Variants in GARNL3 observed in about 807,000 individuals in gnomAD.
GARNL3 encodes the protein GTPase-activating Rap/Ran-GAP domain-like protein 3.
Under a neutral mutation model 125.0 loss-of-function variants are expected in GARNL3, and 63 were observed. The ratio of observed to expected loss-of-function variants is 0.50; its 90% CI spans 0.41 to 0.62. The LOEUF (loss-of-function observed/expected upper bound fraction) is 0.62, where lower values mean the gene tolerates loss of function less well. GARNL3 is among the 20% of genes least tolerant of loss of function. The probability of loss-of-function intolerance (pLI) is 0.00; values close to 1 mark genes in which losing one functional copy is unlikely to be tolerated. For synonymous variants in GARNL3, 439 were observed against 457.5 expected (o/e 0.96, Z 0.52); for missense variants, 994 against 1,244.0 (o/e 0.80, Z 3.02).
At chr9:127,337,787 C>T (rs1454942994) in intron 11 of GARNL3, among the ~76,000 whole-genome samples, 1 of 152,196 alleles carries the variant, frequency 6.6e-6, no homozygotes, top group Non-Finnish European at 1.5e-5. Context: ...GTTTGTACTT[C>T]CAGGCAAGGG....
Position 127,355,346 on chromosome 9 carries a change from T to C in GARNL3, c.1809T>C (p.Ile603=). ...CTCACCACAGCAGAGAGCTGAGGATTGTGGTTGCAATTCGGAATAAACTGC... is the reference window on the plus strand; with the variant it reads ...CTCACCACAGCAGAGAGCTGAGGATCGTGGTTGCAATTCGGAATAAACTGC... ...INTHHSRELR[I]VVAIRNKLLL... The change falls in exon 20 of 28, where the codon ATT becomes ATC. Residue 603 remains isoleucine, a synonymous_variant. Coordinates refer to ENST00000373387, the MANE Select transcript of GARNL3 (RefSeq NM_032293.5). The C allele has an allele frequency of 6.2e-7, 1 of 1,614,228 alleles. No individual in the cohort carries two copies. Among genetic ancestry groups the C allele is most frequent in the Non-Finnish European group, 8.5e-7 (1 of 1,180,028 alleles).
At chr9:127,350,002 G>A (rs1830342126) in intron 17 of GARNL3, among the ~76,000 whole-genome samples, 1 of 152,182 alleles carries the variant, frequency 6.6e-6, no homozygotes, top group African/African-American at 2.4e-5. Flanking sequence ...CACCTGCTGT[G>A]TGCCGGGGCC....
intron 14 of GARNL3, among the ~76,000 whole-genome samples, chr9:127,343,031 G>A (rs1280898132): frequency 6.6e-6 from 1 of 151,522 alleles, no homozygotes; most frequent in Non-Finnish European, 1.5e-5. Flanking sequence ...CCAAGTAGCT[G>A]GGGTTATAGG....
intron 1 of GARNL3, among the ~76,000 whole-genome samples, chr9:127,284,972 A>AG (rs2131346726): frequency 6.6e-6 from 1 of 152,214 alleles, no homozygotes; most frequent in South Asian, 2.1e-4. Context: ...CAGCCTCCCA[A>AG]GTAGCTGGGA....
At chr9:127,225,795 T>TCCGCGGCTCGGCTCGCCCTGGCGC (rs1554886440) in intron 1 of GARNL3, among the ~76,000 whole-genome samples, 2 of 149,372 alleles carry the variant, frequency 1.3e-5, no homozygotes, top group Admixed American at 1.3e-4. Context: ...ACCTGCTGCC[T>TCCGCGGCTCGGCTCGCCCTGGCGC]CCGCGGCCCC....
intron 16 of GARNL3, among the ~76,000 whole-genome samples, chr9:127,346,431 C>T (rs573639505): frequency 1.5e-4 from 23 of 152,304 alleles, no homozygotes; most frequent in African/African-American, 5.1e-4. Context: ...CTAAAAACCA[C>T]AACCAACTTC....
intron 1 of GARNL3, among the ~76,000 whole-genome samples, chr9:127,230,638 AG>A (rs1341690424): frequency 6.7e-6 from 1 of 149,908 alleles, no homozygotes. Context: ...GGGCAACAAG[AG>A]TGAAACTCCA....
intron 7 of GARNL3, among the ~76,000 whole-genome samples, chr9:127,331,720 C>CTTGCTTTTTTTTTTTTTTTTTTTT (rs367597623): frequency 1.3e-5 from 1 of 74,416 alleles, no homozygotes; most frequent in African/African-American, 4.8e-5. Context: ...CTTGGGCTTG[C>CTTGCTTTTTTTTTTTTTTTTTTTT]TTTTTTTTTT....
chr9:127,281,318 C>G (rs1034576445), intron 1 of GARNL3, among the ~76,000 whole-genome samples: 7 of 152,164 alleles, frequency 4.6e-5, no homozygotes, highest in Admixed American at 3.9e-4. Context: ...AATATGAGCT[C>G]AGGCTGTCAG....
chr9:127,255,603 C>T (rs951568683), intron 2 of GARNL3, among the ~76,000 whole-genome samples: 1 of 152,170 alleles, frequency 6.6e-6, no homozygotes, highest in East Asian at 1.9e-4. Flanking sequence ...TATTATTCTT[C>T]ATTATTCTGT....
At chr9:127,281,493 C>T (rs1456443556) in intron 1 of GARNL3, among the ~76,000 whole-genome samples, 1 of 152,174 alleles carries the variant, frequency 6.6e-6, no homozygotes, top group Non-Finnish European at 1.5e-5. Flanking sequence ...TCTATATGCG[C>T]CATGGTGCTC....
At chr9:127,382,558 G>A (rs115993918) in intron 22 of GARNL3, among the ~76,000 whole-genome samples, 1 of 152,078 alleles carries the variant, frequency 6.6e-6, no homozygotes, top group Non-Finnish European at 1.5e-5. Context: ...GCTGCAGTCA[G>A]CTGTAATCAT....
intron 1 of GARNL3, among the ~76,000 whole-genome samples, chr9:127,239,188 T>C (rs1352492525): frequency 6.6e-6 from 1 of 152,242 alleles, no homozygotes; most frequent in East Asian, 1.9e-4. Context: ...AGTCTTTCTT[T>C]GGGCAGGTTC....
chr9:127,272,875 G>A (rs113375199), intron 1 of GARNL3, among the ~76,000 whole-genome samples: 350 of 152,152 alleles, frequency 2.3e-3, no homozygotes, highest in Middle Eastern at 0.017. Context: ...TCACTTTTAA[G>A]CTTTTTCAGG....
chr9:127,259,128 C>T (rs1374371088), upstream of GARNL3, among the ~76,000 whole-genome samples: 1 of 152,218 alleles, frequency 6.6e-6, no homozygotes, highest in African/African-American at 2.4e-5. Flanking sequence ...CCCTTGGGGG[C>T]TGGCTGACTC....
chr9:127,363,181 AAC>A (rs1411703124), intron 21 of GARNL3: 1 of 152,288 alleles, frequency 6.6e-6, no homozygotes, highest in Admixed American at 6.5e-5. Flanking sequence ...GAGAGCCTAA[AAC>A]ACAGGGCATG....
chr9:127,248,676 C>T lies in GARNL3; in HGVS notation c.143+5427C>T, dbSNP rs1287518128. Among the ~76,000 whole-genome samples the T allele has an allele frequency of 6.5e-5, 8 of 123,908 alleles. No individual in the cohort carries two copies. The East Asian group carries it at 9.7e-4, about 15-fold the overall frequency. 81.3% of individuals were successfully genotyped at this position (123,908 alleles called of 152,430 possible). A position where few individuals can be genotyped will look rare whatever the true frequency, so the allele number is the denominator to read the frequency against. On this transcript the variant is annotated intron_variant, in intron 2 of 10. Coordinates refer to the GARNL3 transcript ENST00000439286. ...AAGCTGGAGTGCAGTGGTGTGATCTCGGTTCACTGCAGCCTCCATTTCCTG... is the reference window on the plus strand; with the variant it reads ...AAGCTGGAGTGCAGTGGTGTGATCTTGGTTCACTGCAGCCTCCATTTCCTG...
intron 22 of GARNL3, chr9:127,366,744 G>A (rs1362214833): frequency 6.6e-6 from 1 of 152,224 alleles, no homozygotes; most frequent in Non-Finnish European, 1.5e-5. Flanking sequence ...AAACAAATGT[G>A]GATGCCATGG....
chr9:127,306,046 G>GT (rs1046612025), intron 2 of GARNL3, among the ~76,000 whole-genome samples: 4 of 152,186 alleles, frequency 2.6e-5, no homozygotes, highest in Admixed American at 1.3e-4. Context: ...ACTTGGCAGT[G>GT]TTCAAATCTC....
Sources: gnomAD v4.1 joint callset for allele counts (sites outside exome capture counted in the v4.1 genomes callset) on GRCh38, gnomAD v4.1.1 for gene constraint, MANE v1.5 for transcripts, NCBI Gene and HGNC (gene_info 2026-07-23, HGNC 2026-07-21) for gene names.